Variants in MERTK observed in about 807,000 individuals in gnomAD.
MERTK encodes MER proto-oncogene, tyrosine kinase.
A neutral mutation model predicts 99.3 loss-of-function variants in MERTK; 69 were observed. That is an observed-to-expected ratio of 0.70 (90% confidence interval 0.57 to 0.85). MERTK has a LOEUF of 0.85. Ranked by LOEUF, MERTK falls within the 40% of genes least tolerant of loss-of-function variation. The pLI is 0.00. For missense variants in MERTK, 1,125 were observed against 1,249.4 expected (o/e 0.90, Z 1.50); for synonymous variants, 426 against 467.6 (o/e 0.91, Z 1.15).
intron 15 of MERTK, among the ~76,000 whole-genome samples, chr2:112,016,335 G>C (rs1306195725): frequency 5.3e-5 from 8 of 152,140 alleles, no homozygotes; most frequent in Non-Finnish European, 1.2e-4. Context: ...TAACTTTCAA[G>C]TATTAAAAAG....
In MERTK at chr2:112,003,106, G is replaced by A. The variant is rs201392053; in HGVS notation, c.1705G>A (p.Val569Ile). The change falls in exon 12 of 19, where the codon GTC becomes ATC. Residue 569 changes from valine (V) to isoleucine (I), a missense_variant. Coordinates refer to ENST00000295408, the MANE Select transcript of MERTK (RefSeq NM_006343.3). The stretch of plus-strand genomic sequence containing the variant: ...TCCTTTTTCAGTACATAGCTTGGGA[G>A]TCAGTGAGGAACTACAAAATAAACT... ...AIELTLHSLG[V>I]SEELQNKLED... 20 of 1,568,358 alleles carry A rather than the reference G, an allele frequency of 1.3e-5. No individual in the cohort carries two copies. Among genetic ancestry groups the A allele is most frequent in the Non-Finnish European group, 1.6e-5 (18 of 1,138,606 alleles).
At position 111,954,522 on chromosome 2, in the gene MERTK, A is replaced by ACCCAGCACAGTGCCTGGC. The variant is rs1685113730; in HGVS notation, c.757+6955_757+6956insCCCAGCACAGTGCCTGGC. Among the ~76,000 whole-genome samples, 3 of 152,210 alleles carry ACCCAGCACAGTGCCTGGC rather than the reference A, an allele frequency of 2.0e-5. No individual in the cohort carries two copies. The South Asian group carries it at 6.2e-4, about 31-fold the overall frequency. On this transcript the variant is annotated intron_variant, in intron 4 of 18. Transcript: ENST00000295408. Reference sequence around the variant, plus strand: ...CCCAGCACAGTGCCTGGCACATAAGAACTATGTGAATGAATGAATGAACTA... The same window carrying ACCCAGCACAGTGCCTGGC: ...CCCAGCACAGTGCCTGGCACATAAGACCCAGCACAGTGCCTGGCACTATGTGAATGAATGAATGAACTA...
intron 1 of MERTK, among the ~76,000 whole-genome samples, chr2:111,920,630 T>C (rs768866028): frequency 3.3e-5 from 5 of 151,934 alleles, no homozygotes; most frequent in Non-Finnish European, 7.4e-5. Context: ...TCTAATGAAG[T>C]GTTGCTACTC....
intron 18 of MERTK, among the ~76,000 whole-genome samples, chr2:112,027,276 T>A (rs2104428647): frequency 6.6e-6 from 1 of 151,476 alleles, no homozygotes; most frequent in African/African-American, 2.4e-5. Flanking sequence ...TGTATATATA[T>A]GCCATATATG....
At chr2:111,929,645 G>C (rs934690033) in intron 2 of MERTK, 105 bp downstream of exon 2, 1 of 919,394 alleles carries the variant, frequency 1.1e-6, no homozygotes, top group African/African-American at 1.7e-5. Context: ...GGAGTGCAGT[G>C]GCACGATCTC....
intron 1 of MERTK, among the ~76,000 whole-genome samples, chr2:111,907,071 G>A (rs1003467067): frequency 6.6e-6 from 1 of 152,106 alleles, no homozygotes; most frequent in African/African-American, 2.4e-5. Flanking sequence ...AACTTTCTTA[G>A]ACATCAGCCC....
At chr2:112,002,267 A>G (rs1050490099) in intron 11 of MERTK, among the ~76,000 whole-genome samples, 1 of 152,106 alleles carries the variant, frequency 6.6e-6, no homozygotes, top group African/African-American at 2.4e-5. Context: ...CAAAGTGCTC[A>G]ATTTAGCCCT....
At chr2:111,904,010 A>G (rs1684092475) in intron 1 of MERTK, among the ~76,000 whole-genome samples, 1 of 151,982 alleles carries the variant, frequency 6.6e-6, no homozygotes, top group Non-Finnish European at 1.5e-5. Context: ...GCTTTGGTGA[A>G]GGGGCCCTCC....
In MERTK at chr2:111,965,198, G is replaced by A. The variant is rs368133234; in HGVS notation, c.765G>A (p.Thr255=). 32 of 1,614,064 alleles carry A rather than the reference G, an allele frequency of 2.0e-5. No homozygotes were observed. The highest frequency in any genetic ancestry group is 1.7e-4 in the African/African-American group (13 of 74,944). The change falls in exon 5 of 19, where the codon ACG becomes ACA. Residue 255 remains threonine (T), a synonymous_variant. Transcript: ENST00000295408. ...AGTCTCCTTCCATTCCAGGCCTGAC[G>A]GAGATGGCGGTCTTCAGTTGTGAGG... ...SPSVLTVPGL[T]EMAVFSCEAH... is the part of the protein sequence containing the mutation.
Position 111,975,476 on chromosome 2 carries a change from A to C in MERTK, c.1144+4A>C, listed in dbSNP as rs1676228244. 6.2e-7 allele frequency: 1 copy of C among 1,613,780 alleles called. No homozygotes were observed. Among genetic ancestry groups the C allele is most frequent in the South Asian group, 1.1e-5 (1 of 91,078 alleles). ...CTAGCCAGCACGACTGAAGGAGGTA[A>C]TTCCTGGGGTTCAGAATGTATATTG... On this transcript the variant is annotated splice_donor_region_variant and intron_variant, in intron 7 of 18. Transcript: ENST00000295408.
At chr2:111,980,186 G>A (rs911805372) in intron 7 of MERTK, among the ~76,000 whole-genome samples, 5 of 152,214 alleles carry the variant, frequency 3.3e-5, no homozygotes, top group African/African-American at 1.2e-4. Flanking sequence ...TAGTAGCCAA[G>A]TGGGGGAGGA....
intron 8 of MERTK, among the ~76,000 whole-genome samples, chr2:111,988,864 G>A (rs551002944): frequency 1.3e-3 from 200 of 152,294 alleles, no homozygotes; most frequent in African/African-American, 4.7e-3. Context: ...CAGGAGAATC[G>A]CTTGAATCTA....
intron 15 of MERTK, 60 bp from the exon 16 acceptor site, chr2:112,019,353 C>T (rs908316139): frequency 1.5e-5 from 19 of 1,286,870 alleles, no homozygotes; most frequent in Non-Finnish European, 2.2e-5. Context: ...CCGGCAGAAA[C>T]TGCTTGCAAG....
chr2:111,992,330 TC>T (rs1196157892), intron 8 of MERTK, among the ~76,000 whole-genome samples: 1 of 152,106 alleles, frequency 6.6e-6, no homozygotes, highest in Non-Finnish European at 1.5e-5. Context: ...TCAGAGAGCT[TC>T]CAGGTAGTGG....
At chr2:112,022,967 A>G (rs1315422965) in intron 18 of MERTK, among the ~76,000 whole-genome samples, 1 of 152,096 alleles carries the variant, frequency 6.6e-6, no homozygotes, top group Non-Finnish European at 1.5e-5. Flanking sequence ...AAGTGGGCCC[A>G]GAAATGTGTG....
chr2:112,001,729 T>G (rs1676873756), intron 11 of MERTK, among the ~76,000 whole-genome samples: 1 of 152,208 alleles, frequency 6.6e-6, no homozygotes, highest in Non-Finnish European at 1.5e-5. Flanking sequence ...GCTTCTGGTT[T>G]AAACAGCGGA....
At chr2:112,005,046 C>T (rs7580261) in intron 13 of MERTK, among the ~76,000 whole-genome samples, 17,795 of 152,050 alleles carry the variant, frequency 0.12, 1,312 homozygotes, top group East Asian at 0.25. Flanking sequence ...AAAATCTATG[C>T]AGTCTAGGCC....
intron 9 of MERTK, 47 bp from the exon 10 acceptor site, chr2:111,997,276 T>G: frequency 1.3e-6 from 2 of 1,590,756 alleles, no homozygotes; most frequent in African/African-American, 1.3e-5. Flanking sequence ...AAGCCAGTGT[T>G]TCTCATATAT....
chr2:112,021,662 C>A, intron 17 of MERTK, 81 bp downstream of exon 17: 1 of 1,331,624 alleles, frequency 7.5e-7, no homozygotes, highest in Non-Finnish European at 1.1e-6. Context: ...GCTGGTATGG[C>A]AAGACATTTT....
Sources: allele counts gnomAD v4.1 joint callset (sites outside exome capture counted in the v4.1 genomes callset), GRCh38; gene constraint gnomAD v4.1.1; transcripts MANE v1.5; gene names NCBI Gene and HGNC (gene_info 2026-07-23, HGNC 2026-07-21).